The following NKAIN3 variants were observed in gnomAD, a reference collection of about 807,000 sequenced individuals.
NKAIN3 encodes sodium/potassium-transporting ATPase subunit beta-1-interacting protein 3.
A neutral mutation model predicts 30.2 loss-of-function variants in NKAIN3; 25 were observed. That is an observed-to-expected ratio of 0.83 (90% CI 0.60 to 1.16). The LOEUF (loss-of-function observed/expected upper bound fraction) is 1.16. Among genes scored for constraint, NKAIN3 ranks in the 50% most tolerant of loss-of-function variants. The pLI, the probability that NKAIN3 is intolerant of heterozygous loss-of-function variation, is 0.00. For missense variants in NKAIN3, 225 were observed against 254.1 expected, an observed-to-expected ratio of 0.89 and a Z score of 0.78; for synonymous variants, 91 against 89.6, an observed-to-expected ratio of 1.02 and a Z score of -0.09.
chr8:62,990,135 T>G, intron 5 of NKAIN3: 1 of 978,496 alleles, frequency 1.0e-6, no homozygotes, highest in East Asian at 2.7e-5. Context: ...TAAATGTTGA[T>G]ATTTTAAAAA....
intron 1 of NKAIN3, among the ~76,000 whole-genome samples, chr8:62,267,985 T>C (rs752169454): frequency 6.6e-6 from 1 of 152,228 alleles, no homozygotes; most frequent in Non-Finnish European, 1.5e-5. Context: ...TTGAAAATTT[T>C]AAAAAATCTA....
At chr8:62,921,134 A>C (rs767286095) in intron 5 of NKAIN3, among the ~76,000 whole-genome samples, 2 of 152,144 alleles carry the variant, frequency 1.3e-5, no homozygotes, top group Non-Finnish European at 2.9e-5. Flanking sequence ...TCAGTGAGGA[A>C]GACATGTCCT....
rs1036057664 is a variant in NKAIN3 at position 62,345,526 on chromosome 8, T to C, written c.54+96399T>C. On this transcript the variant is annotated intron_variant, in intron 1 of 6. Transcript: ENST00000623646. Reference sequence around the variant, plus strand: ...ATACACATATATACACATATATGTATATATACACACATATATACACATATA... The same window carrying C: ...ATACACATATATACACATATATGTACATATACACACATATATACACATATA... Among the ~76,000 whole-genome samples, 321 of 138,704 alleles carry C rather than the reference T, an allele frequency of 2.3e-3. 28 individuals are homozygous for C. In the East Asian group the frequency reaches 0.053, roughly 23 times the overall value. 91.0% of individuals were successfully genotyped at this position (138,704 alleles called of 152,430 possible). A position where few individuals can be genotyped will look rare whatever the true frequency, so the allele number is the denominator to read the frequency against.
At chr8:62,466,993 G>A (rs183250893) in intron 1 of NKAIN3, among the ~76,000 whole-genome samples, 1 of 151,996 alleles carries the variant, frequency 6.6e-6, no homozygotes, top group South Asian at 2.1e-4. Context: ...GCTTAAATTC[G>A]AATCCATGGC....
rs1481492641 is a variant in NKAIN3 at position 62,975,582 on chromosome 8, C to T, written c.*10175C>T. Reference sequence around the variant, plus strand: ...CTTCTTTATTAGCCTGGCTAGCCATCTAAGTATTTTGTTAATCTTTTCAAA... The same window carrying T: ...CTTCTTTATTAGCCTGGCTAGCCATTTAAGTATTTTGTTAATCTTTTCAAA... On this transcript the variant is annotated 3_prime_UTR_variant, in exon 7 of 7. Transcript: ENST00000623646. Among the ~76,000 whole-genome samples, 1 of 152,118 alleles carries T rather than the reference C, an allele frequency of 6.6e-6. No homozygotes were observed. The highest frequency in any genetic ancestry group is 1.5e-5 in the Non-Finnish European group (1 of 68,016).
At chr8:62,658,571 G>A (rs1188551569) in intron 3 of NKAIN3, among the ~76,000 whole-genome samples, 5 of 152,158 alleles carry the variant, frequency 3.3e-5, no homozygotes, top group Non-Finnish European at 7.4e-5. Flanking sequence ...TGAAGATGTT[G>A]AGTCATATTT....
intron 1 of NKAIN3, among the ~76,000 whole-genome samples, chr8:62,577,961 T>C (rs1026993680): frequency 6.6e-6 from 1 of 152,022 alleles, no homozygotes; most frequent in African/African-American, 2.4e-5. Flanking sequence ...AGAGGACATT[T>C]CTTTATGTCC....
At chr8:62,826,374 T>G (rs1190112807) in intron 4 of NKAIN3, among the ~76,000 whole-genome samples, 2 of 152,218 alleles carry the variant, frequency 1.3e-5, no homozygotes, top group Non-Finnish European at 2.9e-5. Flanking sequence ...GCATTTATTA[T>G]GATGGCAGAT....
chr8:62,977,242 C>T lies in NKAIN3; in HGVS notation c.*11835C>T, dbSNP rs1823962583. 1.3e-5 allele frequency among the ~76,000 whole-genome samples: 2 copies of T among 152,118 alleles called. No individual in the cohort carries two copies. The highest frequency in any genetic ancestry group is 4.8e-5 in the African/African-American group (2 of 41,432). On this transcript the variant is annotated 3_prime_UTR_variant, in exon 7 of 7. Transcript: ENST00000623646. ...TGTATTCTGTATTTCCTAAGCCTGC[C>T]TTGCGAGGTTGGGGAAGTTCTCCTG...
intron 1 of NKAIN3, among the ~76,000 whole-genome samples, chr8:62,570,949 T>TGTATTGTATGAC (rs1809916359): frequency 6.6e-6 from 1 of 152,190 alleles, no homozygotes; most frequent in Admixed American, 6.5e-5. Context: ...CAAATTAAAG[T>TGTATTGTATGAC]GTATTGTATG....
chr8:62,466,219 A>C (rs1022982146), intron 1 of NKAIN3, among the ~76,000 whole-genome samples: 1 of 152,158 alleles, frequency 6.6e-6, no homozygotes, highest in Non-Finnish European at 1.5e-5. Context: ...GGAAATTTGA[A>C]AAAGCAAGTC....
At chr8:62,385,161 A>T (rs1236130027) in intron 1 of NKAIN3, among the ~76,000 whole-genome samples, 1 of 152,130 alleles carries the variant, frequency 6.6e-6, no homozygotes. Context: ...CTCTCCAAAG[A>T]GTGCCTCCCT....
At chr8:62,528,813 C>G (rs185364467) in intron 1 of NKAIN3, among the ~76,000 whole-genome samples, 20 of 152,176 alleles carry the variant, frequency 1.3e-4, no homozygotes, top group African/African-American at 4.6e-4. Flanking sequence ...TGCTCCCTGG[C>G]ACAGTAATTA....
chr8:62,393,889 GGTT>G (rs1311505116), intron 1 of NKAIN3, among the ~76,000 whole-genome samples: 5 of 151,932 alleles, frequency 3.3e-5, no homozygotes, highest in Admixed American at 2.0e-4. Context: ...TTTATTGTCA[GGTT>G]GTTTATTTCT....
intron 3 of NKAIN3, among the ~76,000 whole-genome samples, chr8:62,692,195 C>T (rs971182355): frequency 3.3e-5 from 5 of 152,068 alleles, no homozygotes; most frequent in Admixed American, 3.3e-4. Flanking sequence ...AAGAAGCCAG[C>T]CCAGATTCAG....
intron 1 of NKAIN3, among the ~76,000 whole-genome samples, chr8:62,565,749 A>G (rs867760238): frequency 0.014 from 2,110 of 152,224 alleles, 42 homozygotes; most frequent in African/African-American, 0.044. Flanking sequence ...AATATATTGA[A>G]AGTCAAAAAT....
rs180677886 is a variant in NKAIN3 at position 62,882,010 on chromosome 8, A to G, written c.472-36443A>G. On this transcript the variant is annotated intron_variant, in intron 4 of 6. Transcript: ENST00000623646. ...AATACCTTAGTGACATATGATGTTGAACATCTTGTATTTGCCTACTTACCT... is the reference window on the plus strand; with the variant it reads ...AATACCTTAGTGACATATGATGTTGGACATCTTGTATTTGCCTACTTACCT... 3.3e-5 allele frequency among the ~76,000 whole-genome samples: 5 copies of G among 152,256 alleles called. No homozygotes were observed. The East Asian group carries it at 7.7e-4, about 24-fold the overall frequency.
Position 62,768,745 on chromosome 8 carries a change from A to G in NKAIN3, c.471+21616A>G, listed in dbSNP as rs139933339. Among the ~76,000 whole-genome samples, 416 of 152,326 alleles carry G rather than the reference A, an allele frequency of 2.7e-3. 3 individuals carry two copies. Among genetic ancestry groups the G allele is most frequent in the African/African-American group, 9.6e-3 (401 of 41,588 alleles). ...AAAGGTAAATGGTTTTCATGTCACTAGTGTCTTTAAAGAAATACCAATAAA... is the reference window on the plus strand; with the variant it reads ...AAAGGTAAATGGTTTTCATGTCACTGGTGTCTTTAAAGAAATACCAATAAA... On this transcript the variant is annotated intron_variant, in intron 4 of 6. Transcript: ENST00000623646.
intron 3 of NKAIN3, among the ~76,000 whole-genome samples, chr8:62,643,081 CT>C (rs202207662): frequency 0.01 from 1,533 of 152,070 alleles, 17 homozygotes; most frequent in African/African-American, 0.032. Flanking sequence ...TTGATAGCAT[CT>C]TTTTTTGGCC....
Sources: allele counts gnomAD v4.1 joint callset (sites outside exome capture counted in the v4.1 genomes callset), GRCh38; gene constraint gnomAD v4.1.1; transcripts MANE v1.5; gene names NCBI Gene and HGNC (gene_info 2026-07-23, HGNC 2026-07-21).